Variants in KCNK2 observed in about 807,000 individuals in gnomAD.
The protein encoded by KCNK2 is potassium channel subfamily K member 2.
KCNK2 carries 21 observed loss-of-function variants against 40.5 expected under a neutral mutation model. That is an observed-to-expected ratio of 0.52 (90% CI 0.37 to 0.75). The LOEUF (loss-of-function observed/expected upper bound fraction) is 0.75. KCNK2 is among the 30% of genes least tolerant of loss of function. The pLI, the probability that KCNK2 is intolerant of heterozygous loss-of-function variation, is 0.00. For synonymous variants in KCNK2, 191 were observed against 202.2 expected, an observed-to-expected ratio of 0.94 and a Z score of 0.47; for missense variants, 399 against 531.6, an observed-to-expected ratio of 0.75 and a Z score of 2.45.
At chr1:215,081,935 G>A (rs1435788327), upstream of KCNK2, 1 of 152,290 alleles carries the variant, frequency 6.6e-6, no homozygotes, top group African/African-American at 2.4e-5. Flanking sequence ...TTTGGGCGGG[G>A]TCTGGTACCT....
Position 215,194,962 on chromosome 1 carries a change from A to C in KCNK2, c.833A>C (p.Asp278Ala). The change falls in exon 6 of 7, where the codon GAT becomes GCT. Residue 278 changes from aspartate to alanine, a missense_variant. Asp to Ala is a moderately radical substitution (Grantham distance 126). Around this residue, in one of 3 missense-constraint regions of KCNK2, gnomAD observed 279 missense variants for 353.8 expected, o/e 0.79. Coordinates refer to ENST00000444842, the MANE Select transcript of KCNK2 (RefSeq NM_001017425.3). ...TTTGTTTTGTCTCCAGGTGGATCCG[A>C]TATTGAATATCTGGACTTCTATAAG... Reference protein sequence around the residue: ...GFGDYVAGGSDIEYLDFYKPV... With the variant: ...GFGDYVAGGSAIEYLDFYKPV... The C allele has an allele frequency of 1.2e-6, 2 of 1,613,224 alleles. No individual in the cohort carries two copies. The highest frequency in any genetic ancestry group is 8.5e-7 in the Non-Finnish European group (1 of 1,179,498).
intron 6 of KCNK2, among the ~76,000 whole-genome samples, chr1:215,196,994 A>G (rs1664892214): frequency 6.6e-6 from 1 of 152,196 alleles, no homozygotes; most frequent in African/African-American, 2.4e-5. Flanking sequence ...ATACACAAAT[A>G]CACAGATATA....
intron 1 of KCNK2, among the ~76,000 whole-genome samples, chr1:215,064,162 A>C (rs1658455778): frequency 6.6e-6 from 1 of 152,180 alleles, no homozygotes; most frequent in Admixed American, 6.5e-5. Context: ...GGTAGTGCAA[A>C]GAAAATTAGA....
chr1:215,194,504 G>A (rs1664787650), intron 5 of KCNK2, among the ~76,000 whole-genome samples: 1 of 152,168 alleles, frequency 6.6e-6, no homozygotes. Flanking sequence ...TTGCTGTTCA[G>A]TTTGGCATTA....
intron 2 of KCNK2, among the ~76,000 whole-genome samples, chr1:215,120,595 G>A (rs1284926984): frequency 6.6e-6 from 1 of 152,022 alleles, no homozygotes; most frequent in Non-Finnish European, 1.5e-5. Flanking sequence ...GTGCCTAATT[G>A]TTTGTGTGCA....
intron 3 of KCNK2, among the ~76,000 whole-genome samples, chr1:215,153,687 A>G (rs903462172): frequency 6.6e-6 from 1 of 151,950 alleles, no homozygotes; most frequent in African/African-American, 2.4e-5. Context: ...TTACATAGGT[A>G]TACGTGTGCC....
intron 1 of KCNK2, among the ~76,000 whole-genome samples, chr1:215,049,953 T>C (rs1657924381): frequency 6.6e-6 from 1 of 152,158 alleles, no homozygotes; most frequent in African/African-American, 2.4e-5. Context: ...TACCACTTTA[T>C]TCTTATTTGT....
At chr1:215,207,497 C>T (rs1049679374) in intron 6 of KCNK2, among the ~76,000 whole-genome samples, 2 of 152,226 alleles carry the variant, frequency 1.3e-5, no homozygotes, top group African/African-American at 4.8e-5. Flanking sequence ...AACTGTGACA[C>T]TGGCTGTCTT....
rs962803664 is a variant in KCNK2, at chr1:215,010,188, A to G, written c.34+4233A>G. 2.1e-4 allele frequency among the ~76,000 whole-genome samples: 32 copies of G among 152,330 alleles called. 1 individual carries two copies. Among genetic ancestry groups the G allele is most frequent in the African/African-American group, 6.0e-4 (25 of 41,580 alleles). On this transcript the variant is annotated intron_variant, in intron 1 of 6. Transcript: ENST00000391895. ...TCAGCCAGGTGCAAGAGAAAAACAT[A>G]TAACTATGAAGCAGCAGGTCCAGAT...
At chr1:215,133,394 A>G (rs1161952520) in intron 3 of KCNK2, among the ~76,000 whole-genome samples, 1 of 152,188 alleles carries the variant, frequency 6.6e-6, no homozygotes, top group Non-Finnish European at 1.5e-5. Context: ...CTAACTTCTG[A>G]AATGCAGAGC....
chr1:215,123,869 C>G (rs909171579), intron 2 of KCNK2, among the ~76,000 whole-genome samples: 1 of 151,418 alleles, frequency 6.6e-6, no homozygotes, highest in Non-Finnish European at 1.5e-5. Context: ...CTTCTCCAAC[C>G]CCCACCTCCC....
rs1293124646 is a variant in KCNK2 at position 215,086,581 on chromosome 1, A to G, written c.260A>G (p.His87Arg). ...GTGTTCAAAGCATTGGAGCAGCCTC[A>G]TGAGATTTCACAGAGGACCACCATT... ...ATVFKALEQP[H>R]EISQRTTIVI... is the part of the protein sequence containing the mutation. The change falls in exon 2 of 7, where the codon CAT becomes CGT. Residue 87 changes from histidine to arginine, a missense_variant. Coordinates refer to ENST00000444842, the MANE Select transcript of KCNK2 (RefSeq NM_001017425.3). 1 of 1,614,100 alleles carries G rather than the reference A, an allele frequency of 6.2e-7. No homozygotes were observed. The highest frequency in any genetic ancestry group is 1.7e-5 in the Admixed American group (1 of 60,030).
chr1:215,041,238 T>C (rs1371134180), intron 1 of KCNK2, among the ~76,000 whole-genome samples: 5 of 152,196 alleles, frequency 3.3e-5, no homozygotes, highest in Non-Finnish European at 5.9e-5. Flanking sequence ...TAAGTAACTT[T>C]TCTTCACTAA....
intron 6 of KCNK2, among the ~76,000 whole-genome samples, chr1:215,201,195 G>C (rs931930623): frequency 6.6e-6 from 1 of 152,148 alleles, no homozygotes; most frequent in African/African-American, 2.4e-5. Context: ...AAAGGCAAAG[G>C]CATCGAGGTT....
intron 6 of KCNK2, among the ~76,000 whole-genome samples, chr1:215,219,696 G>A (rs966970236): frequency 1.2e-4 from 19 of 152,170 alleles, no homozygotes; most frequent in African/African-American, 4.6e-4. Context: ...GGCATTTTGA[G>A]ATTTTATGTT....
intron 1 of KCNK2, among the ~76,000 whole-genome samples, chr1:215,056,313 A>AAG (rs1658160345): frequency 6.7e-6 from 1 of 150,362 alleles, no homozygotes; most frequent in African/African-American, 2.4e-5. Flanking sequence ...CATCTCAAAA[A>AAG]AAAAAAAAAA....
At chr1:215,018,580 G>C (rs1456301882) in intron 1 of KCNK2, among the ~76,000 whole-genome samples, 1 of 152,098 alleles carries the variant, frequency 6.6e-6, no homozygotes, top group African/African-American at 2.4e-5. Flanking sequence ...GAAATGGAAG[G>C]GTAAGTAAGA....
At chr1:215,220,724 T>A (rs1666136326) in intron 6 of KCNK2, among the ~76,000 whole-genome samples, 1 of 152,248 alleles carries the variant, frequency 6.6e-6, no homozygotes, top group African/African-American at 2.4e-5. Context: ...ATAAATACTA[T>A]TAAATCTAGG....
At chr1:215,181,770 C>CT (rs34616573) in intron 5 of KCNK2, among the ~76,000 whole-genome samples, 1 of 152,142 alleles carries the variant, frequency 6.6e-6, no homozygotes, top group African/African-American at 2.4e-5. Flanking sequence ...GTACTTAATC[C>CT]TTTTTTAACG....
Sources: allele counts gnomAD v4.1 joint callset (sites outside exome capture counted in the v4.1 genomes callset), GRCh38; gene constraint gnomAD v4.1.1; regional missense constraint gnomAD v4.1.1; transcripts MANE v1.5; gene names NCBI Gene and HGNC (gene_info 2026-07-23, HGNC 2026-07-21).